MUC6: variants seen among roughly 807,000 people sequenced by gnomAD.
The protein encoded by MUC6 is mucin-6.
A neutral mutation model predicts 201.5 loss-of-function variants in MUC6; 188 were observed. That is an observed-to-expected ratio of 0.93 (90% CI 0.83 to 1.05). The LOEUF (loss-of-function observed/expected upper bound fraction) is 1.05. Among genes scored for constraint, MUC6 ranks in the 50% least tolerant of loss-of-function variants. The pLI, the probability that MUC6 is intolerant of heterozygous loss-of-function variation, is 0.00. For missense variants in MUC6, 2,706 were observed against 3,256.9 expected (o/e 0.83, Z 4.12); for synonymous variants, 1,228 against 1,389.4 (o/e 0.88, Z 2.58).
In MUC6 at chr11:1,031,936, G is replaced by A; in HGVS notation, c.233C>T (p.Ala78Val). 3.1e-6 allele frequency: 5 copies of A among 1,613,506 alleles called. No homozygotes were observed. Among genetic ancestry groups the A allele is most frequent in the Non-Finnish European group, 4.2e-6 (5 of 1,179,894 alleles). ...CAGCTGGACACTGAAGGTGGGGAAG[G>A]CGTCCTTGCAGGTGGCCGCGAAGAT... Reference protein sequence around the residue: ...NYIFAATCKDAFPTFSVQLRR... With the variant: ...NYIFAATCKDVFPTFSVQLRR... The change falls in exon 3 of 33, where the codon GCC (alanine) becomes GTC (valine). Residue 78 changes from alanine (A) to valine (V), a missense_variant. Physicochemically the swap from Ala to Val is moderately conservative, Grantham distance 64. Around this residue, in one of 10 missense-constraint regions of MUC6, gnomAD observed 1,850 missense variants for 1,958.3 expected, o/e 0.94. Transcript: ENST00000421673.
At chr11:1,036,522 G>A (rs1465505002) in intron 1 of MUC6, 82 bp downstream of exon 1, 33 of 1,467,732 alleles carry the variant, frequency 2.2e-5, no homozygotes, top group Non-Finnish European at 2.9e-5. Flanking sequence ...CCGAGTTGTC[G>A]AGGCGAGAAG....
At chr11:1,018,800 A>G (rs1461177355) in intron 30 of MUC6, 30 bp from the exon 31 acceptor site, 3 of 1,533,932 alleles carry the variant, frequency 2.0e-6, no homozygotes, top group Middle Eastern at 1.8e-4. Flanking sequence ...TGTCATCGTT[A>G]TTGTTTTTGT....
At position 1,016,565 on chromosome 11, in the gene MUC6, C is replaced by A; in HGVS notation, c.6236G>T (p.Ser2079Ile). The A allele has an allele frequency of 6.5e-7, 1 of 1,550,072 alleles. No homozygotes were observed. Among genetic ancestry groups the A allele is most frequent in the Non-Finnish European group, 8.7e-7 (1 of 1,149,990 alleles). ...GAAGGAAGAAGAGGCTGTAGCTGTG[C>A]TGAATGAGCTGTGGGTTTGGCTGGT... The part of the protein sequence containing the change: ...SGTSQTHSSF[S>I]TATASSSFIS... The change falls in exon 31 of 33, where the codon AGC (serine) becomes ATC (isoleucine). Residue 2079 changes from serine (S) to isoleucine (I), a missense_variant. Ser to Ile is a moderately radical substitution (Grantham distance 142). Transcript: ENST00000421673.
chr11:1,025,970 G>C, intron 21 of MUC6, 30 bp downstream of exon 21: 2 of 1,588,614 alleles, frequency 1.3e-6, no homozygotes, highest in South Asian at 1.1e-5. Flanking sequence ...CTGGGTCCCC[G>C]GCCCCTGCGG....
intron 8 of MUC6, 51 bp downstream of exon 8, chr11:1,030,162 G>A (rs985167476): frequency 6.6e-7 from 1 of 1,512,844 alleles, no homozygotes; most frequent in African/African-American, 1.4e-5. Flanking sequence ...CCTTGTCTCT[G>A]GGTTCTCTCT....
rs923205515 is a variant in MUC6, at chr11:1,013,469, G to C, written c.7307C>G (p.Ala2436Gly). The part of the protein sequence containing the change: ...VFSHCVCSSV[A>G]CGD ...GCAGCGACCCTGCTAGTCTCCACAG[G>C]CCACAGAGCTGCACACGCAGTGGCT... The change falls in exon 33 of 33, where the codon GCC (alanine) becomes GGC (glycine). Residue 2436 changes from alanine to glycine, a missense_variant. By Grantham distance (60) the Ala-to-Gly change is moderately conservative. Around this residue, in one of 10 missense-constraint regions of MUC6, gnomAD observed 586 missense variants for 488.0 expected, o/e 1.20. Coordinates refer to ENST00000421673, the MANE Select transcript of MUC6 (RefSeq NM_005961.3). The C allele has an allele frequency of 3.8e-6, 6 of 1,582,722 alleles. No homozygotes were observed. The highest frequency in any genetic ancestry group is 5.1e-6 in the Non-Finnish European group (6 of 1,166,018).
intron 1 of MUC6, among the ~76,000 whole-genome samples, chr11:1,034,083 C>T (rs750869934): frequency 6.6e-5 from 10 of 152,188 alleles, no homozygotes; most frequent in South Asian, 2.1e-4. Context: ...TCTCCGGTGA[C>T]GCAGGGGCAG....
chr11:1,015,814 G>A lies in MUC6; in HGVS notation c.6987C>T (p.Thr2329=). Residue 2329 remains threonine (T), a synonymous_variant, in exon 31 of 33, where the codon ACC becomes ACT. Coordinates refer to ENST00000421673, the MANE Select transcript of MUC6 (RefSeq NM_005961.3). The part of the protein sequence containing the change: ...LTSSLTAHGS[T]PASAPVSSLG... ...GAGAAGATACCGGGGCAGAAGCAGG[G>A]GTGCTTCCATGGGCAGTGAGGGAGC... 2 of 1,568,018 alleles carry A rather than the reference G, an allele frequency of 1.3e-6. No individual in the cohort carries two copies. Among genetic ancestry groups the A allele is most frequent in the Non-Finnish European group, 8.7e-7 (1 of 1,155,266 alleles).
chr11:1,016,063 A>G lies in MUC6; in HGVS notation c.6738T>C (p.Ile2246=). The change falls in exon 31 of 33, where the codon ATT becomes ATC. Residue 2246 remains isoleucine, a synonymous_variant. Transcript: ENST00000421673. ...TGGTCCTGGGCGTGGACGGAAATGC[A>G]ATGGTGCTGGAGGCTAGGTGGCTGG... is the stretch of plus-strand genomic sequence containing the variant. The part of the protein sequence containing the change: ...TPSSHLASST[I]AFPSTPRTTA... 6.2e-7 allele frequency: 1 copy of G among 1,612,514 alleles called. No homozygotes were observed. Among genetic ancestry groups the G allele is most frequent in the Non-Finnish European group, 8.5e-7 (1 of 1,178,922 alleles).
intron 7 of MUC6, 73 bp downstream of exon 7, chr11:1,030,500 G>T (rs1204589726): frequency 2.8e-6 from 4 of 1,451,150 alleles, no homozygotes; most frequent in Non-Finnish European, 3.7e-6. Flanking sequence ...ACGTCAGGCA[G>T]TCCAGGGGCT....
At position 1,026,315 on chromosome 11, in the gene MUC6, G is replaced by T. The variant is rs1472036281; in HGVS notation, c.2546+12C>A. On this transcript the variant is annotated intron_variant, in intron 20 of 32. Coordinates refer to ENST00000421673, the MANE Select transcript of MUC6 (RefSeq NM_005961.3). The stretch of plus-strand genomic sequence containing the variant: ...AGGAGCCCAGGGCGTCTGAAGCGAG[G>T]CTTTGTCTCACCAGGTCCTGCAGTC... The T allele has an allele frequency of 6.4e-7, 1 of 1,566,174 alleles. No individual in the cohort carries two copies. The highest frequency in any genetic ancestry group is 1.4e-5 in the African/African-American group (1 of 73,106).
chr11:1,019,580 T>G (rs1856762901), intron 29 of MUC6, 84 bp from the exon 30 acceptor site: 4 of 1,275,742 alleles, frequency 3.1e-6, no homozygotes, highest in South Asian at 1.3e-5. Flanking sequence ...GCCCTGCTTC[T>G]GGGATCCCTG....
intron 1 of MUC6, among the ~76,000 whole-genome samples, chr11:1,035,551 C>T (rs12798713): frequency 0.082 from 12,031 of 146,110 alleles, 522 homozygotes; most frequent in Middle Eastern, 0.17. Context: ...GGGTGGTGCC[C>T]GGCGTGGTGG....
chr11:1,027,008 G>A lies in MUC6; in HGVS notation c.2327C>T (p.Ser776Phe). 1 of 1,603,028 alleles carries A rather than the reference G, an allele frequency of 6.2e-7. No homozygotes were observed. Among genetic ancestry groups the A allele is most frequent in the South Asian group, 1.1e-5 (1 of 89,416 alleles). Residue 776 changes from serine to phenylalanine, a missense_variant, in exon 19 of 33, where the codon TCC becomes TTC. Transcript: ENST00000421673. ...APKTFKSCSQ[S>F]SENKFGAACA... ...GGCTGCCCCAAACTTGTTCTCGGAGGACTGGCTGCAGGACTTGAAGGTCTT... is the reference window on the plus strand; with the variant it reads ...GGCTGCCCCAAACTTGTTCTCGGAGAACTGGCTGCAGGACTTGAAGGTCTT...
At chr11:1,013,698 C>T (rs1856532242) in intron 32 of MUC6, 65 bp from the exon 33 acceptor site, 3 of 1,505,880 alleles carry the variant, frequency 2.0e-6, no homozygotes, top group Non-Finnish European at 1.8e-6. Flanking sequence ...CCTCCCTCCC[C>T]AGGGCAGCTG....
Position 1,025,053 on chromosome 11 carries a change from T to C in MUC6, c.3016A>G (p.Asn1006Asp). The part of the protein sequence containing the change: ...DPLCGLCGNF[N>D]GNMKDDFETR... ...TCGAAGTCGTCCTTCATGTTCCCGT[T>C]GAAGTTGCCACACAAGCCGCAGAGG... is the stretch of plus-strand genomic sequence containing the variant. The change falls in exon 24 of 33, where the codon AAC becomes GAC. Residue 1006 changes from asparagine to aspartate, a missense_variant. Physicochemically the swap from Asn to Asp is conservative, Grantham distance 23. Coordinates refer to ENST00000421673, the MANE Select transcript of MUC6 (RefSeq NM_005961.3). 6.2e-7 allele frequency: 1 copy of C among 1,612,864 alleles called. No individual in the cohort carries two copies. The highest frequency in any genetic ancestry group is 8.5e-7 in the Non-Finnish European group (1 of 1,179,810).
In MUC6 at chr11:1,036,651, A is replaced by C. The variant is rs1241858235; in HGVS notation, c.5T>G (p.Val2Gly). The C allele has an allele frequency of 8.4e-6, 13 of 1,547,076 alleles. No individual in the cohort carries two copies. Among genetic ancestry groups the C allele is most frequent in the Non-Finnish European group, 1.1e-5 (13 of 1,146,448 alleles). The change falls in exon 1 of 33, where the codon GTC (valine) becomes GGC (glycine). Residue 2 changes from valine to glycine, a missense_variant. Around this residue, in one of 10 missense-constraint regions of MUC6, gnomAD observed 1,850 missense variants for 1,958.3 expected, o/e 0.94. Coordinates refer to ENST00000421673, the MANE Select transcript of MUC6 (RefSeq NM_005961.3). The stretch of plus-strand genomic sequence containing the variant: ...GCAGGACAGCAGCAGCCACCGCTGG[A>C]CCATGGTGCACAGTGGAGAGGAGCT... M[V>G]QRWLLLSCCG...
Position 1,024,919 on chromosome 11 carries a change from A to G in MUC6, c.3150T>C (p.Asn1050=). The G allele has an allele frequency of 6.2e-7, 1 of 1,612,884 alleles. No homozygotes were observed. The highest frequency in any genetic ancestry group is 8.5e-7 in the Non-Finnish European group (1 of 1,179,884). Residue 1050 remains asparagine (N), a synonymous_variant, in exon 24 of 33, where the codon AAT becomes AAC. Coordinates refer to ENST00000421673, the MANE Select transcript of MUC6 (RefSeq NM_005961.3). ...VSFVTDPCSL[N]AFRRSWAERK... is the part of the protein sequence containing the mutation. ...GCTCGGCCCAGGAGCGCCGGAAGGCATTGAGACTGCAGGGGTCTGTCACGA... is the reference window on the plus strand; with the variant it reads ...GCTCGGCCCAGGAGCGCCGGAAGGCGTTGAGACTGCAGGGGTCTGTCACGA...
chr11:1,014,633 C>G (rs546459993), intron 31 of MUC6, among the ~76,000 whole-genome samples: 1 of 152,328 alleles, frequency 6.6e-6, no homozygotes, highest in East Asian at 1.9e-4. Context: ...CATTAGAAAC[C>G]GCCACTGGAG....
Sources: gnomAD v4.1 joint callset for allele counts (sites outside exome capture counted in the v4.1 genomes callset) on GRCh38, gnomAD v4.1.1 for gene constraint, gnomAD v4.1.1 regional missense constraint, MANE v1.5 for transcripts, NCBI Gene and HGNC (gene_info 2026-07-23, HGNC 2026-07-21) for gene names.